The following NLRC3 variants were observed in gnomAD, a reference collection of about 807,000 sequenced individuals.
NLRC3 encodes the protein NLR family CARD domain-containing protein 3.
A neutral mutation model predicts 91.6 loss-of-function variants in NLRC3; 87 were observed. The observed-to-expected ratio is 0.95, with a 90% CI of 0.80 to 1.14. The LOEUF (loss-of-function observed/expected upper bound fraction) is 1.14, where lower values mean the gene tolerates loss of function less well. Among genes scored for constraint, NLRC3 ranks in the 50% most tolerant of loss-of-function variants. The pLI is 0.00. For missense variants in NLRC3, 1,577 were observed against 1,418.6 expected (o/e 1.11, Z -1.79); for synonymous variants, 694 against 625.3 (o/e 1.11, Z -1.64).
Position 3,540,964 on chromosome 16 carries a change from G to A in NLRC3, c.*861C>T, listed in dbSNP as rs1364575806. On this transcript the variant is annotated 3_prime_UTR_variant, in exon 20 of 20. Transcript: ENST00000359128. The stretch of plus-strand genomic sequence containing the variant: ...TCATGCCTGTAATCCCAGTACTTTG[G>A]GAGGCCCAGGCTGATGGATCACCTG... The A allele has an allele frequency of 6.6e-6, 1 of 152,208 alleles. No homozygotes were observed. Among genetic ancestry groups the A allele is most frequent in the African/African-American group, 2.4e-5 (1 of 41,428 alleles). 9.4% of individuals were successfully genotyped at this position (152,208 alleles called of 1,614,324 possible).
chr16:3,554,459 C>A, intron 8 of NLRC3, 134 bp from the exon 9 acceptor site: 1 of 634,796 alleles, frequency 1.6e-6, no homozygotes, highest in South Asian at 1.8e-5. Flanking sequence ...GCCCACCATG[C>A]AGGGAGAGCA....
intron 6 of NLRC3, among the ~76,000 whole-genome samples, chr16:3,560,895 G>A (rs555894144): frequency 8.6e-5 from 13 of 151,862 alleles, no homozygotes; most frequent in East Asian, 7.8e-4. Context: ...TCCTGACCTC[G>A]TGATCCACCT....
chr16:3,541,939 G>GCTTT, intron 19 of NLRC3, 24 bp from the exon 20 acceptor site: 2 of 1,425,018 alleles, frequency 1.4e-6, no homozygotes, highest in Non-Finnish European at 2.0e-6. Context: ...GTTAAGGCAG[G>GCTTT]GCTCAAAGCC....
rs997600113 is a variant in NLRC3, at chr16:3,554,324, G to A, written c.2185C>T (p.Leu729Phe). 1.9e-6 allele frequency: 3 copies of A among 1,612,944 alleles called. No homozygotes were observed. Among genetic ancestry groups the A allele is most frequent in the Non-Finnish European group, 2.5e-6 (3 of 1,179,056 alleles). The change falls in exon 9 of 20, where the codon CTC (leucine) becomes TTC (phenylalanine). Residue 729 changes from leucine to phenylalanine, a missense_variant and splice_region_variant. Coordinates refer to ENST00000359128, the MANE Select transcript of NLRC3 (RefSeq NM_178844.4). ...TCATCCCTAACGGTGTTGCCCTGGA[G>A]GCTGCAGAGACAAGAAGAGGCTCAT... ...KINRTLTSLS[L>F]QGNTVRDDGA...
intron 14 of NLRC3, among the ~76,000 whole-genome samples, 178 bp downstream of exon 14, chr16:3,548,492 G>A (rs1303438379): frequency 1.3e-5 from 2 of 152,256 alleles, no homozygotes; most frequent in African/African-American, 4.8e-5. Context: ...GTCTGTCTGT[G>A]GGTCAGGAGA....
rs1052896611 is a variant in NLRC3 at position 3,549,193 on chromosome 16, G to C, written c.2552C>G (p.Ala851Gly). ...GCAGAGGGCATGAGCGATGGCCTGG[G>C]CTCCCTCGGGACTGATGGAGTTTTC... ...LRENSISPEG[A>G]QAIAHALCAN... Residue 851 changes from alanine (A) to glycine (G), a missense_variant, in exon 13 of 20, where the codon GCC becomes GGC. Transcript: ENST00000359128. 5.0e-6 allele frequency: 8 copies of C among 1,588,452 alleles called. No homozygotes were observed. The Admixed American group carries it at 8.9e-5, about 18-fold the overall frequency.
rs539167045 is a variant in NLRC3, at chr16:3,550,598, C to G, written c.2352-101G>C. ...GGAAGCCCTCCTGGGAGGGCTGGCT[C>G]TGTTGTCTCAAGGGTGGCCAGTGCA... is the stretch of plus-strand genomic sequence containing the variant. On this transcript the variant is annotated intron_variant, in intron 10 of 19. Coordinates refer to ENST00000359128, the MANE Select transcript of NLRC3 (RefSeq NM_178844.4). 1.3e-5 allele frequency: 11 copies of G among 835,986 alleles called. No homozygotes were observed. In the South Asian group the frequency reaches 1.4e-4, roughly 11 times the overall value. The allele number at this position is 835,986 out of a possible 1,614,324, so 51.8% of individuals were successfully genotyped here.
intron 10 of NLRC3, 35 bp downstream of exon 10, chr16:3,552,161 T>G: frequency 7.8e-7 from 1 of 1,277,176 alleles, no homozygotes; most frequent in Non-Finnish European, 1.1e-6. Flanking sequence ...TGCTGGGCAC[T>G]GAGGATACTA....
intron 10 of NLRC3, among the ~76,000 whole-genome samples, chr16:3,551,093 C>G (rs956555684): frequency 6.6e-6 from 1 of 151,950 alleles, no homozygotes; most frequent in African/African-American, 2.4e-5. Context: ...ATCATTTCGT[C>G]TGTCCATCCA....
intron 13 of NLRC3, 151 bp downstream of exon 13, chr16:3,548,991 G>T: frequency 1.5e-6 from 1 of 687,570 alleles, no homozygotes; most frequent in Non-Finnish European, 2.6e-6. Flanking sequence ...TGGGGGACTT[G>T]CCACCCGATG....
chr16:3,543,146 T>G, intron 17 of NLRC3: 2 of 491,460 alleles, frequency 4.1e-6, no homozygotes, highest in Middle Eastern at 5.7e-4. Flanking sequence ...CCCCAGGACT[T>G]TGGATCTGCC....
At chr16:3,567,202 G>C (rs1254332829) in intron 2 of NLRC3, 41 bp downstream of exon 2, 1 of 135,806 alleles carries the variant, frequency 7.4e-6, no homozygotes, top group Non-Finnish European at 1.6e-5. Flanking sequence ...TGTACACTAA[G>C]GCCGGGAACT....
intron 6 of NLRC3, among the ~76,000 whole-genome samples, chr16:3,561,207 A>G (rs1472281406): frequency 1.3e-5 from 2 of 151,750 alleles, no homozygotes; most frequent in African/African-American, 4.8e-5. Context: ...AAAATTAGCC[A>G]GGTGTGGTGG....
chr16:3,561,994 C>T (rs1021501508), intron 5 of NLRC3, among the ~76,000 whole-genome samples: 3 of 152,184 alleles, frequency 2.0e-5, no homozygotes, highest in East Asian at 1.9e-4. Flanking sequence ...CTGTGCAGAA[C>T]GGCATCTTCC....
At chr16:3,570,172 T>G (rs1238505084) in intron 1 of NLRC3, among the ~76,000 whole-genome samples, 12 of 152,046 alleles carry the variant, frequency 7.9e-5, no homozygotes, top group Non-Finnish European at 1.5e-5. Context: ...TTACACTTTT[T>G]TTTTTTGAGA....
intron 2 of NLRC3, among the ~76,000 whole-genome samples, chr16:3,566,544 G>A (rs549808109): frequency 6.6e-6 from 1 of 152,212 alleles, no homozygotes; most frequent in African/African-American, 2.4e-5. Flanking sequence ...TGACCAACAT[G>A]GAGAAACCCC....
At position 3,554,165 on chromosome 16, in the gene NLRC3, C is replaced by G. The variant is rs1421530793; in HGVS notation, c.2267+77G>C. ...TCCTAGCCCCATCCATTCTTCCTAG[C>G]AGGTAATAGGCAGAGAGGCCCTTGG... On this transcript the variant is annotated intron_variant, in intron 9 of 19. Transcript: ENST00000359128. 2.7e-6 allele frequency: 3 copies of G among 1,108,750 alleles called. No homozygotes were observed. The East Asian group carries it at 7.1e-5, about 26-fold the overall frequency. The allele number at this position is 1,108,750 out of a possible 1,614,324, so 68.7% of individuals were successfully genotyped here.
At chr16:3,558,761 C>T (rs376492560) in intron 6 of NLRC3, among the ~76,000 whole-genome samples, 4 of 152,152 alleles carry the variant, frequency 2.6e-5, no homozygotes, top group African/African-American at 9.6e-5. Context: ...CAATTAGAAT[C>T]CCCAGGCTGG....
intron 1 of NLRC3, among the ~76,000 whole-genome samples, chr16:3,573,748 A>G (rs1369416147): frequency 6.6e-6 from 1 of 152,202 alleles, no homozygotes; most frequent in African/African-American, 2.4e-5. Context: ...GGTAAAATAC[A>G]CATAACACAA....
Sources: allele counts gnomAD v4.1 joint callset (sites outside exome capture counted in the v4.1 genomes callset), GRCh38; gene constraint gnomAD v4.1.1; transcripts MANE v1.5; gene names NCBI Gene and HGNC (gene_info 2026-07-23, HGNC 2026-07-21).